The following PTPRB variants were observed in gnomAD, a reference collection of about 807,000 sequenced individuals.
PTPRB encodes the protein protein tyrosine phosphatase receptor type B.
A neutral mutation model predicts 238.1 loss-of-function variants in PTPRB; 97 were observed. That is an observed-to-expected ratio of 0.41 (90% confidence interval 0.35 to 0.48). PTPRB has a LOEUF of 0.48. Among genes scored for constraint, PTPRB ranks in the 20% least tolerant of loss-of-function variants. The pLI, the probability that PTPRB is intolerant of heterozygous loss-of-function variation, is 0.30. For synonymous variants in PTPRB, 970 were observed against 995.4 expected (o/e 0.97, Z 0.48); for missense variants, 2,292 against 2,681.9 (o/e 0.85, Z 3.21).
chr12:70,555,896 T>A lies in PTPRB; in HGVS notation c.4967A>T (p.Glu1656Val), dbSNP rs372149755. 8.7e-6 allele frequency: 14 copies of A among 1,612,864 alleles called. No individual in the cohort carries two copies. Among genetic ancestry groups the A allele is most frequent in the African/African-American group, 2.7e-5 (2 of 74,884 alleles). ...GTCTATCATTGTGATAGTGCTGTCTTCAACCACCTCGCTGGTCATGCCGGC... is the reference window on the plus strand; with the variant it reads ...GTCTATCATTGTGATAGTGCTGTCTACAACCACCTCGCTGGTCATGCCGGC... Reference protein sequence around the residue: ...QSAGMTSEVVEDSTITMIDRP... With the variant: ...QSAGMTSEVVVDSTITMIDRP... Residue 1656 changes from glutamate to valine, a missense_variant, in exon 19 of 34, where the codon GAA (glutamate) becomes GTA (valine). Glu to Val is a moderately radical substitution (Grantham distance 121). Coordinates refer to ENST00000334414, the MANE Select transcript of PTPRB (RefSeq NM_001109754.4).
chr12:70,635,620 A>C, intron 2 of PTPRB, 51 bp downstream of exon 2: 1 of 1,554,996 alleles, frequency 6.4e-7, no homozygotes, highest in South Asian at 1.2e-5. Context: ...AAAACCCCCA[A>C]GATATTTAGT....
chr12:70,556,946 G>A (rs977437222), intron 18 of PTPRB, among the ~76,000 whole-genome samples: 5 of 152,184 alleles, frequency 3.3e-5, no homozygotes, highest in African/African-American at 7.2e-5. Context: ...TAAATAAGAC[G>A]TTAGCTCTAA....
chr12:70,539,034 T>A lies in PTPRB; in HGVS notation c.5779-20A>T. 6.4e-7 allele frequency: 1 copy of A among 1,571,400 alleles called. No homozygotes were observed. ...TAACTCCTGTTAGGTCAAATATGAG[T>A]TTGTAAGTGGAGAATATGAAATAGA... On this transcript the variant is annotated intron_variant, in intron 26 of 33. Transcript: ENST00000334414.
chr12:70,562,704 G>A, intron 16 of PTPRB, 140 bp downstream of exon 16: 1 of 1,110,834 alleles, frequency 9.0e-7, no homozygotes, highest in Non-Finnish European at 1.3e-6. Flanking sequence ...GCGATTTAGG[G>A]TCAAACAGCC....
At chr12:70,576,674 GGGGGGGGGA>G (rs1565967311) in intron 10 of PTPRB, 29 bp from the exon 11 acceptor site, 2 of 277,594 alleles carry the variant, frequency 7.2e-6, no homozygotes, top group African/African-American at 6.0e-5. Flanking sequence ...GGGGGCGGGG[GGGGGGGGGA>G]AGGGGGATTC....
rs758147858 is a variant in PTPRB, at chr12:70,596,149, G to A, written c.1158C>T (p.Tyr386=). 1.9e-6 allele frequency: 3 copies of A among 1,613,388 alleles called. No homozygotes were observed. The highest frequency in any genetic ancestry group is 3.3e-5 in the Admixed American group (2 of 59,998). ...TACCAGCAGTGAGATTGAAAAAAGT[G>A]TATTCATTCCATGAAGTACTTTCTT... ...QIQESTSWNE[Y]TFFNLTAGSK... is the part of the protein sequence containing the mutation. The change falls in exon 5 of 34, where the codon TAC becomes TAT. Residue 386 remains tyrosine, a synonymous_variant. Transcript: ENST00000334414.
intron 2 of PTPRB, among the ~76,000 whole-genome samples, chr12:70,625,777 G>T (rs559351371): frequency 5.5e-4 from 84 of 152,236 alleles, no homozygotes; most frequent in African/African-American, 1.9e-3. Flanking sequence ...AAGCTTTATT[G>T]TGTCATTGTT....
Position 70,576,389 on chromosome 12 carries a change from C to T in PTPRB, c.2835G>A (p.Glu945=). 6.2e-7 allele frequency: 1 copy of T among 1,612,228 alleles called. No individual in the cohort carries two copies. Among genetic ancestry groups the T allele is most frequent in the East Asian group, 2.2e-5 (1 of 44,828 alleles). ...ACCTTCATACAGCCTTACCTGTCCGCTCTTGGCTGAAGGAGTGATTTTCAT... is the reference window on the plus strand; with the variant it reads ...ACCTTCATACAGCCTTACCTGTCCGTTCTTGGCTGAAGGAGTGATTTTCAT... The part of the protein sequence containing the change: ...GKYENHSFSQ[E]RTVPDKVQGV... The change falls in exon 11 of 34, where the codon GAG becomes GAA. Residue 945 remains glutamate (E), a synonymous_variant. Coordinates refer to ENST00000334414, the MANE Select transcript of PTPRB (RefSeq NM_001109754.4).
intron 2 of PTPRB, among the ~76,000 whole-genome samples, chr12:70,631,184 C>G (rs1263167502): frequency 2.0e-5 from 3 of 152,180 alleles, no homozygotes; most frequent in African/African-American, 7.2e-5. Flanking sequence ...AACCATACTA[C>G]AAGGCTACAG....
At position 70,517,272 on chromosome 12, in the gene PTPRB, C is replaced by T. The variant is rs1190188219; in HGVS notation, c.*4217G>A. ...TGAATCCTCAAAAGGGCAACATGTCCTAATAGAAACGTGTGACAGGATTGT... is the reference window on the plus strand; with the variant it reads ...TGAATCCTCAAAAGGGCAACATGTCTTAATAGAAACGTGTGACAGGATTGT... On this transcript the variant is annotated 3_prime_UTR_variant, in exon 34 of 34. Coordinates refer to ENST00000334414, the MANE Select transcript of PTPRB (RefSeq NM_001109754.4). The T allele has an allele frequency of 6.6e-6, 1 of 152,162 alleles. No homozygotes were observed. The highest frequency in any genetic ancestry group is 1.5e-5 in the Non-Finnish European group (1 of 68,042). The allele number at this position is 152,162 out of a possible 1,614,324, so 9.4% of individuals were successfully genotyped here.
At chr12:70,570,900 A>G in intron 13 of PTPRB, 126 bp downstream of exon 13, 1 of 1,015,470 alleles carries the variant, frequency 9.8e-7, no homozygotes, top group Non-Finnish European at 1.4e-6. Context: ...CACTATCAAC[A>G]TGACTTTGTC....
In PTPRB at chr12:70,521,382, C is replaced by A; in HGVS notation, c.*107G>T. 1.5e-6 allele frequency: 1 copy of A among 686,372 alleles called. No homozygotes were observed. The highest frequency in any genetic ancestry group is 2.3e-6 in the Non-Finnish European group (1 of 440,356). The allele number at this position is 686,372 out of a possible 1,614,324, so 42.5% of individuals were successfully genotyped here. ...ACATTCTCCAGATTAATAAATTATACATAGTATCAACAGAAATAGCTGGCA... is the reference window on the plus strand; with the variant it reads ...ACATTCTCCAGATTAATAAATTATAAATAGTATCAACAGAAATAGCTGGCA... On this transcript the variant is annotated 3_prime_UTR_variant, in exon 34 of 34. Coordinates refer to ENST00000334414, the MANE Select transcript of PTPRB (RefSeq NM_001109754.4).
At chr12:70,552,642 C>T (rs953892297) in intron 21 of PTPRB, 135 bp downstream of exon 21, 39 of 1,151,698 alleles carry the variant, frequency 3.4e-5, no homozygotes, top group Non-Finnish European at 4.5e-5. Context: ...TTATAAATTA[C>T]CCAGTAAAAT....
rs75593742 is a variant in PTPRB, at chr12:70,629,206, C to T, written c.451+6465G>A. ...TTTTTTTAAAGAATGACTGCGTACT[C>T]CTCAGCAAATGTAAAAGAAGAGAAA... On this transcript the variant is annotated intron_variant, in intron 2 of 33. Transcript: ENST00000334414. 8.9e-3 allele frequency among the ~76,000 whole-genome samples: 1,353 copies of T among 152,212 alleles called. 7 individuals carry two copies. The highest frequency in any genetic ancestry group is 0.027 in the Middle Eastern group (8 of 294).
chr12:70,609,692 G>C (rs1305077329), intron 3 of PTPRB: 2 of 1,446,848 alleles, frequency 1.4e-6, no homozygotes, highest in African/African-American at 2.8e-5. Context: ...AGACGAGAAA[G>C]TGGAGTGGGA....
chr12:70,563,790 C>T (rs1439461102), intron 15 of PTPRB, among the ~76,000 whole-genome samples: 1 of 152,164 alleles, frequency 6.6e-6, no homozygotes, highest in Non-Finnish European at 1.5e-5. Context: ...TTAATGGCAT[C>T]ATCTTCTACC....
chr12:70,531,967 T>G, intron 32 of PTPRB, 68 bp downstream of exon 32: 1 of 1,580,256 alleles, frequency 6.3e-7, no homozygotes, highest in Non-Finnish European at 8.7e-7. Flanking sequence ...ATTAAGGTCC[T>G]GGATATTTTT....
chr12:70,635,030 A>G (rs778087145), intron 2 of PTPRB, among the ~76,000 whole-genome samples: 27 of 152,206 alleles, frequency 1.8e-4, no homozygotes, highest in Non-Finnish European at 3.1e-4. Flanking sequence ...GAGCTTGCAC[A>G]TGTGTATAAC....
At chr12:70,531,983 G>C in intron 32 of PTPRB, 52 bp downstream of exon 32, 1 of 1,606,196 alleles carries the variant, frequency 6.2e-7, no homozygotes, top group Non-Finnish European at 8.5e-7. Context: ...TTTTTTTGTG[G>C]GAATACAGTG....
Sources: gnomAD v4.1 joint callset for allele counts (sites outside exome capture counted in the v4.1 genomes callset) on GRCh38, gnomAD v4.1.1 for gene constraint, MANE v1.5 for transcripts, NCBI Gene and HGNC (gene_info 2026-07-23, HGNC 2026-07-21) for gene names.